The following SEMA6A variants were observed in gnomAD, a reference collection of about 807,000 sequenced individuals.
SEMA6A encodes the protein semaphorin-6A.
Under a neutral mutation model 96.8 loss-of-function variants are expected in SEMA6A, and 25 were observed. The observed-to-expected ratio is 0.26, with a 90% CI of 0.19 to 0.36. The LOEUF (loss-of-function observed/expected upper bound fraction) is 0.36, where lower values mean the gene tolerates loss of function less well. SEMA6A is among the 10% of genes least tolerant of loss of function. SEMA6A has a pLI of 1.00. For synonymous variants in SEMA6A, 612 were observed against 518.0 expected, an observed-to-expected ratio of 1.18 and a Z score of -2.46; for missense variants, 1,363 against 1,323.1, an observed-to-expected ratio of 1.03 and a Z score of -0.47.
chr5:116,551,321 C>CACACACACACAG (rs1173039700), intron 1 of SEMA6A, among the ~76,000 whole-genome samples: 1 of 132,042 alleles, frequency 7.6e-6, no homozygotes, highest in Non-Finnish European at 1.7e-5. Context: ...TTAGCATACA[C>CACACACACACAG]ACACACACAC....
At chr5:116,502,569 G>A (rs1422516586) in intron 2 of SEMA6A, 3 of 439,394 alleles carry the variant, frequency 6.8e-6, no homozygotes, top group Admixed American at 3.9e-5. Context: ...ATTTCTAAGT[G>A]TCACAATTTT....
chr5:116,453,084 A>T (rs1754752098), intron 18 of SEMA6A, among the ~76,000 whole-genome samples: 1 of 152,220 alleles, frequency 6.6e-6, no homozygotes, highest in African/African-American at 2.4e-5. Flanking sequence ...TGGAGCAGAG[A>T]GAGCAACAAG....
intron 11 of SEMA6A, among the ~76,000 whole-genome samples, chr5:116,480,693 G>T (rs1249740150): frequency 1.3e-5 from 2 of 150,796 alleles, no homozygotes; most frequent in Non-Finnish European, 2.9e-5. Context: ...TTTCGCAAGT[G>T]TAGAAAGAAA....
At chr5:116,524,775 C>CACACACACACAGACACACACACAG (rs1554090327) in intron 1 of SEMA6A, among the ~76,000 whole-genome samples, 1 of 145,588 alleles carries the variant, frequency 6.9e-6, no homozygotes, top group East Asian at 2.0e-4. Context: ...TATGTATACA[C>CACACACACACAGACACACACACAG]ACACACACAC....
chr5:116,524,207 T>C (rs1759100147), intron 1 of SEMA6A, among the ~76,000 whole-genome samples: 1 of 152,178 alleles, frequency 6.6e-6, no homozygotes, highest in Admixed American at 6.5e-5. Context: ...CCAGATGCTG[T>C]GGAGAAGAAG....
chr5:116,480,840 T>C (rs941834458), intron 11 of SEMA6A, among the ~76,000 whole-genome samples: 3 of 152,220 alleles, frequency 2.0e-5, no homozygotes, highest in Non-Finnish European at 4.4e-5. Flanking sequence ...TTGGCAGGTA[T>C]GAAAAGCCAA....
At chr5:116,459,570 CTG>C (rs1755241707) in intron 18 of SEMA6A, among the ~76,000 whole-genome samples, 1 of 152,158 alleles carries the variant, frequency 6.6e-6, no homozygotes, top group Non-Finnish European at 1.5e-5. Flanking sequence ...TTATTACACT[CTG>C]TAATTTCACA....
chr5:116,562,453 A>T (rs908558937), intron 1 of SEMA6A: 3 of 351,942 alleles, frequency 8.5e-6, no homozygotes, highest in Non-Finnish European at 1.6e-5. Context: ...TAACATCCTA[A>T]TTCAGGTTTT....
intron 1 of SEMA6A, among the ~76,000 whole-genome samples, chr5:116,530,659 T>G (rs1358936714): frequency 6.6e-6 from 1 of 152,138 alleles, no homozygotes; most frequent in Admixed American, 6.6e-5. Context: ...TGTATACAGT[T>G]TTATTTAAAA....
In SEMA6A at chr5:116,496,227, G is replaced by A. The variant is rs771283388; in HGVS notation, c.342+24C>T. On this transcript the variant is annotated intron_variant, in intron 5 of 18. Coordinates refer to ENST00000343348, the MANE Select transcript of SEMA6A (RefSeq NM_020796.5). ...AAAAACTTAACCCAAAGTGGCAGCTGCAGGAGAAATGAAAATTGCCTACCT... is the reference window on the plus strand; with the variant it reads ...AAAAACTTAACCCAAAGTGGCAGCTACAGGAGAAATGAAAATTGCCTACCT... 5 of 1,604,846 alleles carry A rather than the reference G, an allele frequency of 3.1e-6. No homozygotes were observed. The Middle Eastern group carries it at 5.0e-4, about 159-fold the overall frequency.
intron 18 of SEMA6A, among the ~76,000 whole-genome samples, chr5:116,456,762 A>T (rs1308251437): frequency 6.6e-6 from 1 of 152,178 alleles, no homozygotes; most frequent in Non-Finnish European, 1.5e-5. Flanking sequence ...AAGAAGCAGA[A>T]TGCTTGATGG....
At chr5:116,448,196 A>AAAAAAAAAAAAAAAAAAAAAAAAT (rs780426357) in intron 18 of SEMA6A, among the ~76,000 whole-genome samples, 7 of 138,632 alleles carry the variant, frequency 5.0e-5, no homozygotes, top group African/African-American at 2.0e-4. Flanking sequence ...AAAAAAAAAA[A>AAAAAAAAAAAAAAAAAAAAAAAAT]TTAGCCAGGC....
At chr5:116,516,754 C>T (rs941220066) in intron 1 of SEMA6A, among the ~76,000 whole-genome samples, 2 of 152,046 alleles carry the variant, frequency 1.3e-5, no homozygotes, top group Non-Finnish European at 2.9e-5. Context: ...AATAATTATC[C>T]CCAAACATCC....
At chr5:116,468,185 CTGGGAATCCCATT>C (rs912081072) in intron 17 of SEMA6A, 1 of 160,548 alleles carries the variant, frequency 6.2e-6, no homozygotes, top group African/African-American at 2.4e-5. Flanking sequence ...AGTGTCCACT[CTGGGAATCCCATT>C]TGTGACCGAT....
intron 18 of SEMA6A, among the ~76,000 whole-genome samples, chr5:116,450,145 A>G (rs963998887): frequency 2.0e-5 from 3 of 152,238 alleles, no homozygotes; most frequent in Admixed American, 6.5e-5. Context: ...CCTACATATA[A>G]TTGCACAAAA....
At chr5:116,452,741 C>T (rs1477976239) in intron 18 of SEMA6A, among the ~76,000 whole-genome samples, 1 of 152,188 alleles carries the variant, frequency 6.6e-6, no homozygotes. Flanking sequence ...TAGCACCAGG[C>T]TCTGAGACAA....
intron 9 of SEMA6A, chr5:116,487,285 T>C (rs1034563317): frequency 3.6e-6 from 1 of 275,510 alleles, no homozygotes; most frequent in African/African-American, 2.2e-5. Context: ...ACACTTTGTA[T>C]GCACAATCTC....
At position 116,544,484 on chromosome 5, in the gene SEMA6A, G is replaced by A. The variant is rs144381637; in HGVS notation, c.-39+29701C>T. On this transcript the variant is annotated intron_variant, in intron 1 of 18. Coordinates refer to ENST00000343348, the MANE Select transcript of SEMA6A (RefSeq NM_020796.5). ...TTTTTGAATATTTTTTTTTTTTAGA[G>A]ATGGGGGTCTCATTATGTTGCCTAG... Among the ~76,000 whole-genome samples the A allele has an allele frequency of 5.8e-3, 869 of 150,630 alleles. 6 individuals carry two copies. Among genetic ancestry groups the A allele is most frequent in the African/African-American group, 0.021 (837 of 40,472 alleles).
rs1393857439 is a variant in SEMA6A, at chr5:116,478,111, G to A, written c.1471C>T (p.Gln491Ter). 1 of 1,613,900 alleles carries A rather than the reference G, an allele frequency of 6.2e-7. No homozygotes were observed. The change falls in exon 14 of 19, where the codon CAG becomes TAG. Residue 491 changes from glutamine to a stop codon, truncating the protein, a stop_gained. Transcript: ENST00000343348. LOFTEE classifies it high-confidence loss of function. ...GVEDKRIMGM[Q>*]LDRASSSLYV... is the part of the protein sequence containing the mutation. The stretch of plus-strand genomic sequence containing the variant: ...AGAGAGCTGCTTGCTCTGTCCAGCT[G>A]CATGCCCATGATCCTTTTGTCTTCG...
Sources: gnomAD v4.1 joint callset for allele counts (sites outside exome capture counted in the v4.1 genomes callset) on GRCh38, gnomAD v4.1.1 for gene constraint, MANE v1.5 for transcripts, NCBI Gene and HGNC (gene_info 2026-07-23, HGNC 2026-07-21) for gene names.